The following PTPRR variants were observed in gnomAD, a reference collection of about 807,000 sequenced individuals.
The protein encoded by PTPRR is protein tyrosine phosphatase receptor type R.
Under a neutral mutation model 77.2 loss-of-function variants are expected in PTPRR, and 38 were observed. The observed-to-expected ratio is 0.49, with a 90% CI of 0.38 to 0.65. The LOEUF is 0.65. PTPRR is among the 30% of genes least tolerant of loss of function. The probability of loss-of-function intolerance (pLI) is 0.00; values close to 1 mark genes in which losing one functional copy is unlikely to be tolerated. For missense variants in PTPRR, 744 were observed against 799.2 expected (o/e 0.93, Z 0.83); for synonymous variants, 299 against 283.1 (o/e 1.06, Z -0.57).
In PTPRR at chr12:70,656,718, C is replaced by T. The variant is rs1219800750; in HGVS notation, c.1866G>A (p.Gln622=). The part of the protein sequence containing the change: ...GVVDALSIVC[Q]LRMDRGGMVQ... ...GTGACACTCACCTATCCATACGAAG[C>T]TGGCAGACAATGCTTAGTGCATCCA... The change falls in exon 13 of 14, where the codon CAG becomes CAA. Residue 622 remains glutamine, a synonymous_variant. Coordinates refer to ENST00000283228, the MANE Select transcript of PTPRR (RefSeq NM_002849.4). The T allele has an allele frequency of 1.2e-6, 2 of 1,613,056 alleles. No homozygotes were observed. The highest frequency in any genetic ancestry group is 2.7e-5 in the African/African-American group (2 of 74,882).
At chr12:70,910,737 G>T (rs1006215929) in intron 1 of PTPRR, among the ~76,000 whole-genome samples, 6 of 152,126 alleles carry the variant, frequency 3.9e-5, no homozygotes, top group Non-Finnish European at 8.8e-5. Context: ...TGCTCTAGAG[G>T]TACAGAGGTT....
In PTPRR at chr12:70,832,542, G is replaced by A. The variant is rs187829007; in HGVS notation, c.357+60137C>T. Among the ~76,000 whole-genome samples the A allele has an allele frequency of 4.4e-3, 667 of 152,228 alleles. 1 individual carries two copies. The highest frequency in any genetic ancestry group is 7.5e-3 in the South Asian group (36 of 4,826). The stretch of plus-strand genomic sequence containing the variant: ...TGGGGAATAGCAGGAAATGGGACTA[G>A]ACATTCACTTGCATCTTACTTGCAG... On this transcript the variant is annotated intron_variant, in intron 2 of 13. Coordinates refer to ENST00000283228, the MANE Select transcript of PTPRR (RefSeq NM_002849.4).
chr12:70,666,298 TTGACCAA>T (rs1288535187), intron 10 of PTPRR, among the ~76,000 whole-genome samples: 1 of 152,162 alleles, frequency 6.6e-6, no homozygotes, highest in Admixed American at 6.5e-5. Flanking sequence ...AACCACAGCA[TTGACCAA>T]TGACCTGTTC....
At chr12:70,695,566 T>C (rs1024887541) in intron 8 of PTPRR, among the ~76,000 whole-genome samples, 3 of 152,196 alleles carry the variant, frequency 2.0e-5, no homozygotes, top group African/African-American at 2.4e-5. Flanking sequence ...CACAGGACTA[T>C]GAAGCAGTTG....
intron 2 of PTPRR, among the ~76,000 whole-genome samples, chr12:70,791,633 A>G (rs1157452): frequency 0.86 from 130,229 of 152,146 alleles, 56,013 homozygotes; most frequent in East Asian, 0.94. Context: ...TATGGCAGAA[A>G]CTCAATAAAT....
Position 70,825,948 on chromosome 12 carries a change from A to G in PTPRR, c.358-61170T>C, listed in dbSNP as rs574988905. 5.9e-5 allele frequency among the ~76,000 whole-genome samples: 9 copies of G among 152,014 alleles called. No homozygotes were observed. The South Asian group carries it at 8.3e-4, about 14-fold the overall frequency. On this transcript the variant is annotated intron_variant, in intron 2 of 13. Coordinates refer to ENST00000283228, the MANE Select transcript of PTPRR (RefSeq NM_002849.4). The stretch of plus-strand genomic sequence containing the variant: ...AACATATCACAACTCTTTTTATAAC[A>G]TATTTTTAAGCTTTTATAAGTCTTC...
rs189590506 is a variant in PTPRR, at chr12:70,724,800, G to T, written c.1007+21018C>A. On this transcript the variant is annotated intron_variant, in intron 6 of 13. Coordinates refer to ENST00000283228, the MANE Select transcript of PTPRR (RefSeq NM_002849.4). ...ATATATGTATGTGTATGTAAGTCTG[G>T]ATATATATATATACACACACACACA... Among the ~76,000 whole-genome samples the T allele has an allele frequency of 4.2e-3, 628 of 150,720 alleles. 1 individual carries two copies. Among genetic ancestry groups the T allele is most frequent in the African/African-American group, 0.015 (605 of 41,096 alleles).
chr12:70,685,079 C>G (rs1887811595), intron 8 of PTPRR, among the ~76,000 whole-genome samples: 1 of 152,156 alleles, frequency 6.6e-6, no homozygotes, highest in Non-Finnish European at 1.5e-5. Flanking sequence ...CACTCTTATA[C>G]TTTTGATCTG....
intron 2 of PTPRR, among the ~76,000 whole-genome samples, chr12:70,876,494 C>A (rs1439790114): frequency 6.6e-6 from 1 of 152,122 alleles, no homozygotes; most frequent in African/African-American, 2.4e-5. Context: ...GACTTTATAT[C>A]TAAAGACTGA....
chr12:70,690,373 A>C (rs1407894198), intron 8 of PTPRR, among the ~76,000 whole-genome samples: 1 of 152,222 alleles, frequency 6.6e-6, no homozygotes, highest in Non-Finnish European at 1.5e-5. Flanking sequence ...CATCCCAAAC[A>C]TCTGGGGTTT....
intron 2 of PTPRR, among the ~76,000 whole-genome samples, chr12:70,832,319 A>G (rs577459450): frequency 6.6e-6 from 1 of 152,182 alleles, no homozygotes; most frequent in Non-Finnish European, 1.5e-5. Context: ...AGCAGGCTCT[A>G]TGCTGCTAGA....
At chr12:70,653,099 A>C (rs1411216247) in intron 13 of PTPRR, among the ~76,000 whole-genome samples, 1 of 152,136 alleles carries the variant, frequency 6.6e-6, no homozygotes, top group Non-Finnish European at 1.5e-5. Flanking sequence ...AAACAAGAAC[A>C]CAGGACTCCA....
chr12:70,738,671 C>G (rs567932465), intron 6 of PTPRR, among the ~76,000 whole-genome samples: 2 of 152,242 alleles, frequency 1.3e-5, no homozygotes, highest in African/African-American at 4.8e-5. Flanking sequence ...AATGTGATTC[C>G]TCATTTAATG....
At chr12:70,662,244 C>T (rs1040867079) in intron 11 of PTPRR, among the ~76,000 whole-genome samples, 30 of 152,222 alleles carry the variant, frequency 2.0e-4, no homozygotes, top group East Asian at 5.8e-4. Flanking sequence ...ATTTTATTAA[C>T]GCAAATTAGA....
intron 6 of PTPRR, among the ~76,000 whole-genome samples, chr12:70,717,314 A>G (rs185451811): frequency 7.9e-5 from 12 of 152,158 alleles, no homozygotes; most frequent in Non-Finnish European, 1.3e-4. Context: ...TTTTCAAATA[A>G]AGAGAGAGTG....
intron 6 of PTPRR, among the ~76,000 whole-genome samples, chr12:70,707,059 A>C (rs1225771631): frequency 6.6e-6 from 1 of 152,166 alleles, no homozygotes; most frequent in Non-Finnish European, 1.5e-5. Flanking sequence ...AGGGAGGTAA[A>C]GTTGAGAAAA....
At chr12:70,795,433 A>G (rs533380638) in intron 2 of PTPRR, among the ~76,000 whole-genome samples, 1 of 152,344 alleles carries the variant, frequency 6.6e-6, no homozygotes, top group South Asian at 2.1e-4. Flanking sequence ...TTTCATAGTA[A>G]CTCTAAAATA....
intron 2 of PTPRR, among the ~76,000 whole-genome samples, chr12:70,787,466 C>T (rs1891346769): frequency 1.3e-5 from 2 of 152,164 alleles, no homozygotes; most frequent in African/African-American, 4.8e-5. Context: ...GAAGCCACAT[C>T]TTCTTTAAAG....
At chr12:70,839,991 C>T (rs558772037) in intron 2 of PTPRR, among the ~76,000 whole-genome samples, 247 of 152,236 alleles carry the variant, frequency 1.6e-3, no homozygotes, top group South Asian at 4.8e-3. Context: ...AACTGTCTGC[C>T]GCTGGATTCT....
Sources: allele counts gnomAD v4.1 joint callset (sites outside exome capture counted in the v4.1 genomes callset), GRCh38; gene constraint gnomAD v4.1.1; transcripts MANE v1.5; gene names NCBI Gene and HGNC (gene_info 2026-07-23, HGNC 2026-07-21).